GOLIM4: variants seen among roughly 807,000 people sequenced by gnomAD.
GOLIM4 encodes the protein golgi integral membrane protein 4.
A neutral mutation model predicts 107.4 loss-of-function variants in GOLIM4; 71 were observed. That is an observed-to-expected ratio of 0.66 (90% CI 0.55 to 0.81). The LOEUF is 0.81. GOLIM4 is among the 30% of genes least tolerant of loss of function. The probability of loss-of-function intolerance (pLI) is 0.00; values close to 1 mark genes in which losing one functional copy is unlikely to be tolerated. For synonymous variants in GOLIM4, 327 were observed against 294.8 expected, an observed-to-expected ratio of 1.11 and a Z score of -1.12; for missense variants, 830 against 826.1, an observed-to-expected ratio of 1.00 and a Z score of -0.06.
chr3:168,011,263 A>G (rs1717005796), intron 14 of GOLIM4, among the ~76,000 whole-genome samples: 1 of 151,830 alleles, frequency 6.6e-6, no homozygotes, highest in South Asian at 2.1e-4. Flanking sequence ...TCCCTTTCCG[A>G]GTCAAAGAAA....
intron 1 of GOLIM4, among the ~76,000 whole-genome samples, chr3:168,066,846 C>T (rs1395641351): frequency 1.3e-5 from 2 of 151,920 alleles, no homozygotes; most frequent in African/African-American, 4.8e-5. Flanking sequence ...AAACATTAAA[C>T]TTTTTTGGTG....
chr3:168,043,114 TG>T (rs938752812), intron 5 of GOLIM4, among the ~76,000 whole-genome samples: 17 of 152,202 alleles, frequency 1.1e-4, no homozygotes, highest in African/African-American at 4.1e-4. Flanking sequence ...AGAATCGTCT[TG>T]CCCAACAGGG....
intron 8 of GOLIM4, among the ~76,000 whole-genome samples, chr3:168,035,999 T>G (rs1207269885): frequency 2.0e-5 from 3 of 152,112 alleles, no homozygotes. Flanking sequence ...CCCGTAGGAG[T>G]GTCAAACAGG....
chr3:168,038,803 A>G (rs1037539289), intron 7 of GOLIM4, among the ~76,000 whole-genome samples: 3 of 152,310 alleles, frequency 2.0e-5, no homozygotes, highest in African/African-American at 4.8e-5. Flanking sequence ...CTCAAAATTC[A>G]TATGTTAAAA....
chr3:168,058,193 C>A (rs971351884), intron 1 of GOLIM4, among the ~76,000 whole-genome samples: 2 of 152,112 alleles, frequency 1.3e-5, no homozygotes, highest in Non-Finnish European at 2.9e-5. Context: ...ACACAAGTGT[C>A]CATTTTTAAG....
chr3:168,061,906 G>C (rs1720294102), intron 1 of GOLIM4, among the ~76,000 whole-genome samples: 1 of 152,066 alleles, frequency 6.6e-6, no homozygotes, highest in African/African-American at 2.4e-5. Flanking sequence ...TCTGAGAGCT[G>C]GCTACACTGT....
intron 7 of GOLIM4, 73 bp from the exon 8 acceptor site, chr3:168,037,067 G>GAATGCCCATTCATAGATGGGCATT: frequency 1.5e-6 from 1 of 669,192 alleles, no homozygotes; most frequent in Non-Finnish European, 2.4e-6. Flanking sequence ...TGGGTACACT[G>GAATGCCCATTCATAGATGGGCATT]TAAAACTAGA....
At position 168,054,167 on chromosome 3, in the gene GOLIM4, T is replaced by G. The variant is rs1719803059; in HGVS notation, c.188-5802A>C. 4.6e-5 allele frequency among the ~76,000 whole-genome samples: 7 copies of G among 152,226 alleles called. No individual in the cohort carries two copies. The South Asian group carries it at 1.4e-3, about 32-fold the overall frequency. ...TCATTCCTTCAATAAAATTCAATCT[T>G]TTGAGTCTGCTTCATAATTTATGGC... On this transcript the variant is annotated intron_variant, in intron 1 of 15. Coordinates refer to ENST00000470487, the MANE Select transcript of GOLIM4 (RefSeq NM_014498.5).
At chr3:168,070,209 T>C (rs953285501) in intron 1 of GOLIM4, among the ~76,000 whole-genome samples, 2 of 152,130 alleles carry the variant, frequency 1.3e-5, no homozygotes, top group African/African-American at 2.4e-5. Flanking sequence ...CTGGCTAACA[T>C]GGTGAAACCC....
chr3:168,058,670 T>C (rs1365865826), intron 1 of GOLIM4, among the ~76,000 whole-genome samples: 1 of 152,138 alleles, frequency 6.6e-6, no homozygotes, highest in African/African-American at 2.4e-5. Context: ...TAGGATGACA[T>C]AATGAACTGC....
intron 1 of GOLIM4, among the ~76,000 whole-genome samples, chr3:168,077,733 G>T (rs137965368): frequency 8.6e-4 from 131 of 151,964 alleles, no homozygotes; most frequent in African/African-American, 2.9e-3. Flanking sequence ...ATTTTCTTTG[G>T]CTATATTGTA....
At position 168,040,017 on chromosome 3, in the gene GOLIM4, G is replaced by A. The variant is rs149500139; in HGVS notation, c.684+769C>T. On this transcript the variant is annotated intron_variant, in intron 7 of 15. Coordinates refer to ENST00000470487, the MANE Select transcript of GOLIM4 (RefSeq NM_014498.5). ...AAAAGAAAACCAACATGGGTTTCCT[G>A]ATGAGCATAGATCGTTTACCTTTGT... Among the ~76,000 whole-genome samples, 14 of 152,274 alleles carry A rather than the reference G, an allele frequency of 9.2e-5. No individual in the cohort carries two copies. In the East Asian group the frequency reaches 2.7e-3, roughly 29 times the overall value.
intron 14 of GOLIM4, among the ~76,000 whole-genome samples, chr3:168,013,118 C>T (rs557431625): frequency 4.0e-5 from 6 of 151,394 alleles, no homozygotes; most frequent in African/African-American, 1.5e-4. Flanking sequence ...AGTCAAGACC[C>T]ATCAGTGTGC....
In GOLIM4 at chr3:168,029,431, T is replaced by G. The variant is rs565565587; in HGVS notation, c.1434-129A>C. On this transcript the variant is annotated intron_variant, in intron 10 of 15. Transcript: ENST00000470487. ...ACATTTTTAAGAAGCCATGAAAAAT[T>G]TTTAAAAACCTCTTATGTATGCAAT... is the stretch of plus-strand genomic sequence containing the variant. The G allele has an allele frequency of 2.3e-3, 1,379 of 604,122 alleles. 7 individuals are homozygous for G. The highest frequency in any genetic ancestry group is 0.014 in the South Asian group (442 of 32,466). The allele number at this position is 604,122 out of a possible 1,614,324, so 37.4% of individuals were successfully genotyped here. A position where few individuals can be genotyped will look rare whatever the true frequency, so the allele number is the denominator to read the frequency against.
intron 1 of GOLIM4, among the ~76,000 whole-genome samples, chr3:168,065,409 T>C (rs980711257): frequency 6.6e-5 from 10 of 152,252 alleles, no homozygotes; most frequent in Admixed American, 2.0e-4. Flanking sequence ...CTGTCACCTA[T>C]GATTTTCAAT....
Position 168,029,649 on chromosome 3 carries a change from T to C in GOLIM4, c.1433+131A>G, listed in dbSNP as rs978943952. 9.5e-6 allele frequency: 9 copies of C among 947,970 alleles called. No homozygotes were observed. The African/African-American group carries it at 1.2e-4, about 12-fold the overall frequency. 58.7% of individuals were successfully genotyped at this position (947,970 alleles called of 1,614,324 possible). On this transcript the variant is annotated intron_variant, in intron 10 of 15. Coordinates refer to ENST00000470487, the MANE Select transcript of GOLIM4 (RefSeq NM_014498.5). ...TTGGTATTTAATTTTCAAGTAGCTGTCCTGCCTTGGCTATTTGAGCAATAT... is the reference window on the plus strand; with the variant it reads ...TTGGTATTTAATTTTCAAGTAGCTGCCCTGCCTTGGCTATTTGAGCAATAT...
chr3:168,054,466 C>G (rs1719830060), intron 1 of GOLIM4, among the ~76,000 whole-genome samples: 1 of 152,182 alleles, frequency 6.6e-6, no homozygotes, highest in East Asian at 1.9e-4. Context: ...TTACTTCCTT[C>G]AGATCCTCAC....
At chr3:168,048,238 C>A in intron 2 of GOLIM4, 53 bp downstream of exon 2, 2 of 928,386 alleles carry the variant, frequency 2.2e-6, no homozygotes, top group Non-Finnish European at 3.4e-6. Flanking sequence ...GTATATGATA[C>A]GTCAAAGAAG....
chr3:168,010,684 TA>T, intron 15 of GOLIM4, 58 bp downstream of exon 15: 1 of 1,205,832 alleles, frequency 8.3e-7, no homozygotes. Context: ...ATCTCTCCTA[TA>T]CACATGCACA....
Sources: gnomAD v4.1 joint callset for allele counts (sites outside exome capture counted in the v4.1 genomes callset) on GRCh38, gnomAD v4.1.1 for gene constraint, MANE v1.5 for transcripts, NCBI Gene and HGNC (gene_info 2026-07-23, HGNC 2026-07-21) for gene names.